Variants in USP54 observed in about 807,000 individuals in gnomAD.
USP54 encodes ubiquitin specific peptidase 54.
USP54 carries 87 observed loss-of-function variants against 170.5 expected under a neutral mutation model. The observed-to-expected ratio is 0.51, with a 90% CI of 0.43 to 0.61. The LOEUF is 0.61. Ranked by LOEUF, USP54 falls within the 20% of genes least tolerant of loss-of-function variation. The pLI, the probability that USP54 is intolerant of heterozygous loss-of-function variation, is 0.00. For synonymous variants in USP54, 655 were observed against 742.8 expected, an observed-to-expected ratio of 0.88 and a Z score of 1.92; for missense variants, 1,786 against 2,047.8, an observed-to-expected ratio of 0.87 and a Z score of 2.47.
chr10:73,509,021 A>G (rs1412334219), intron 20 of USP54, among the ~76,000 whole-genome samples: 4 of 142,582 alleles, frequency 2.8e-5, no homozygotes, highest in African/African-American at 1.1e-4. Context: ...AGCAAAATCT[A>G]CAATGTGTGA....
intron 3 of USP54, among the ~76,000 whole-genome samples, chr10:73,572,800 C>T (rs2075428493): frequency 6.6e-6 from 1 of 151,982 alleles, no homozygotes; most frequent in Non-Finnish European, 1.5e-5. Context: ...GTATATGGCA[C>T]TGGAAATTAG....
At chr10:73,506,517 T>A (rs1438406867) in intron 20 of USP54, 1 of 152,188 alleles carries the variant, frequency 6.6e-6, no homozygotes, top group Non-Finnish European at 1.5e-5. Flanking sequence ...ATGTCTTGAT[T>A]TGATGATTTG....
intron 20 of USP54, among the ~76,000 whole-genome samples, chr10:73,514,532 C>T (rs1008130412): frequency 9.9e-5 from 15 of 150,832 alleles, no homozygotes; most frequent in Non-Finnish European, 1.9e-4. Flanking sequence ...CACTGCACTC[C>T]AGCCTGGGCA....
chr10:73,624,123 C>T (rs1293720910), intron 1 of USP54, among the ~76,000 whole-genome samples: 74 of 135,668 alleles, frequency 5.5e-4, no homozygotes, highest in Admixed American at 3.1e-4. Flanking sequence ...AGTGACTAAC[C>T]ACATTAAGAC....
chr10:73,539,170 T>A (rs2133483428), intron 10 of USP54, among the ~76,000 whole-genome samples: 1 of 150,744 alleles, frequency 6.6e-6, no homozygotes, highest in Non-Finnish European at 1.5e-5. Context: ...TCCCAGCTAC[T>A]CAGGAGGCTG....
chr10:73,520,981 C>T lies in USP54; in HGVS notation c.2409G>A (p.Val803=), dbSNP rs753374291. 6.2e-7 allele frequency: 1 copy of T among 1,614,200 alleles called. No homozygotes were observed. The highest frequency in any genetic ancestry group is 8.5e-7 in the Non-Finnish European group (1 of 1,180,044). Reference sequence around the variant, plus strand: ...GTTCCAGATGTAGTGACTCTTCAAACACTGACTCTGCCTCTTGCAGGGACC... The same window carrying T: ...GTTCCAGATGTAGTGACTCTTCAAATACTGACTCTGCCTCTTGCAGGGACC... ...FERSLQEAES[V]FEESLHLEQK... The change falls in exon 18 of 24, where the codon GTG becomes GTA. Residue 803 remains valine, a synonymous_variant. Transcript: ENST00000687698.
chr10:73,520,200 C>G (rs1328798724), intron 18 of USP54: 3 of 647,894 alleles, frequency 4.6e-6, no homozygotes, highest in Admixed American at 3.0e-5. Flanking sequence ...GGAGGCCAAA[C>G]AGGTTAATCC....
At chr10:73,514,208 C>T (rs1443487966) in intron 20 of USP54, among the ~76,000 whole-genome samples, 2 of 152,052 alleles carry the variant, frequency 1.3e-5, no homozygotes, top group Non-Finnish European at 2.9e-5. Context: ...CGCCCACCTC[C>T]GCCTCCCAAG....
rs184225915 is a variant in USP54, at chr10:73,504,535, T to C, written c.4311+315A>G. On this transcript the variant is annotated intron_variant, in intron 22 of 23. Transcript: ENST00000687698. ...CCATTTCTTTCCTTCTTTCTTTGAT[T>C]AGTGCAGTGGGTTCTGACCCAATCA... The C allele has an allele frequency of 2.0e-5, 6 of 301,412 alleles. No homozygotes were observed. In the East Asian group the frequency reaches 2.5e-4, roughly 13 times the overall value. The allele number at this position is 301,412 out of a possible 1,614,324, so 18.7% of individuals were successfully genotyped here. A position where few individuals can be genotyped will look rare whatever the true frequency, so the allele number is the denominator to read the frequency against.
At chr10:73,612,003 C>T (rs1209303116) in intron 1 of USP54, among the ~76,000 whole-genome samples, 1 of 151,586 alleles carries the variant, frequency 6.6e-6, no homozygotes, top group East Asian at 1.9e-4. Context: ...CCCAGCTACT[C>T]GGGAGGCTGA....
chr10:73,568,323 C>A (rs542578570), intron 4 of USP54, among the ~76,000 whole-genome samples: 1 of 152,318 alleles, frequency 6.6e-6, no homozygotes, highest in South Asian at 2.1e-4. Context: ...CCTTTCCCTT[C>A]TCTCAGAAAA....
chr10:73,512,720 CTAGA>C (rs139509921), intron 20 of USP54, among the ~76,000 whole-genome samples: 2,484 of 152,096 alleles, frequency 0.016, 63 homozygotes, highest in African/African-American at 0.057. Context: ...AGATTGACTA[CTAGA>C]TAGATTTTTA....
chr10:73,520,616 A>T (rs189363264), intron 18 of USP54, among the ~76,000 whole-genome samples: 1 of 152,310 alleles, frequency 6.6e-6, no homozygotes, highest in African/African-American at 2.4e-5. Context: ...AGAGCAGACT[A>T]ATTTCACATC....
chr10:73,500,642 T>C lies in USP54; in HGVS notation c.4495+13A>G, dbSNP rs2057915825. The stretch of plus-strand genomic sequence containing the variant: ...CAAATTCTGGCATATAATATTAGAT[T>C]TGGGGGAGTTACCTGGGAGTCTATT... On this transcript the variant is annotated intron_variant, in intron 23 of 23. Coordinates refer to ENST00000687698, the MANE Select transcript of USP54 (RefSeq NM_001391956.1). 1.3e-6 allele frequency: 2 copies of C among 1,583,138 alleles called. No homozygotes were observed. Among genetic ancestry groups the C allele is most frequent in the Non-Finnish European group, 1.7e-6 (2 of 1,167,228 alleles).
At chr10:73,580,810 TTCAGGTGATCCTCCCGCC>T (rs1385326054) in intron 1 of USP54, among the ~76,000 whole-genome samples, 2 of 152,014 alleles carry the variant, frequency 1.3e-5, no homozygotes, top group Non-Finnish European at 2.9e-5. Context: ...AACTCCTGAC[TTCAGGTGATCCTCCCGCC>T]TCAGCCTCCC....
rs367943817 is a variant in USP54, at chr10:73,537,575, CAT to C, written c.976-1140_976-1139del. On this transcript the variant is annotated intron_variant, in intron 10 of 23. Coordinates refer to ENST00000687698, the MANE Select transcript of USP54 (RefSeq NM_001391956.1). ...CATGCCTTATAACTATCCCAAAACA[CAT>C]GTTACTCTGTGATGGGGCACTTCAG... Among the ~76,000 whole-genome samples, 291 of 152,150 alleles carry C rather than the reference CAT, an allele frequency of 1.9e-3. 1 individual carries two copies. The highest frequency in any genetic ancestry group is 6.2e-3 in the South Asian group (30 of 4,812).
In USP54 at chr10:73,540,602, T is replaced by G. The variant is rs368335097; in HGVS notation, c.825+773A>C. Among the ~76,000 whole-genome samples the G allele has an allele frequency of 4.2e-4, 64 of 152,250 alleles. 1 individual carries two copies. In the South Asian group the frequency reaches 0.013, roughly 31 times the overall value. ...CAAAAAAGAAACAATTGCTTTTGTT[T>G]TTAAGAGACAGGGTCTTGCTATGCT... On this transcript the variant is annotated intron_variant, in intron 9 of 23. Transcript: ENST00000687698.
intron 1 of USP54, among the ~76,000 whole-genome samples, chr10:73,581,982 T>C (rs532043571): frequency 1.3e-5 from 2 of 152,332 alleles, no homozygotes; most frequent in East Asian, 3.9e-4. Context: ...TTCACAAGTA[T>C]ACACAGTACA....
intron 5 of USP54, among the ~76,000 whole-genome samples, chr10:73,543,512 G>A (rs1002652013): frequency 6.6e-6 from 1 of 151,490 alleles, no homozygotes; most frequent in Non-Finnish European, 1.5e-5. Context: ...GACTACAGGC[G>A]CCCGCCACCA....
Sources: gnomAD v4.1 joint callset for allele counts (sites outside exome capture counted in the v4.1 genomes callset) on GRCh38, gnomAD v4.1.1 for gene constraint, MANE v1.5 for transcripts, NCBI Gene and HGNC (gene_info 2026-07-23, HGNC 2026-07-21) for gene names.